EI24: variants seen among roughly 807,000 people sequenced by gnomAD.
EI24 encodes EI24 autophagy associated transmembrane protein.
In EI24, 21 loss-of-function variants were observed where a neutral mutation model predicts 48.6. The ratio of observed to expected loss-of-function variants is 0.43; its 90% CI spans 0.31 to 0.62. The LOEUF is 0.62. Among genes scored for constraint, EI24 ranks in the 20% least tolerant of loss-of-function variants. EI24 has a pLI of 0.10. For missense variants in EI24, 280 were observed against 410.5 expected (o/e 0.68, Z 2.75); for synonymous variants, 114 against 145.5 (o/e 0.78, Z 1.56).
intron 7 of EI24, among the ~76,000 whole-genome samples, chr11:125,579,645 C>T (rs1228645315): frequency 8.6e-5 from 13 of 151,988 alleles, no homozygotes; most frequent in Admixed American, 5.9e-4. Flanking sequence ...CCAGCCTGGG[C>T]GACAAGAGCA....
chr11:125,575,493 C>A (rs966606881), intron 3 of EI24, 85 bp downstream of exon 3: 2 of 1,367,130 alleles, frequency 1.5e-6, no homozygotes, highest in African/African-American at 2.9e-5. Context: ...CATTTTATTT[C>A]TTTTGTGCTT....
Position 125,579,144 on chromosome 11 carries a change from GACAGAGTATTATATTTAT to G in EI24, c.561+91_561+108del, listed in dbSNP as rs935167122. 4.3e-5 allele frequency: 60 copies of G among 1,407,334 alleles called. 1 individual carries two copies. Among genetic ancestry groups the G allele is most frequent in the Middle Eastern group, 3.6e-4 (2 of 5,600 alleles). The allele number at this position is 1,407,334 out of a possible 1,614,324, so 87.2% of individuals were successfully genotyped here. A position where few individuals can be genotyped will look rare whatever the true frequency, so the allele number is the denominator to read the frequency against. On this transcript the variant is annotated intron_variant, in intron 7 of 10. Coordinates refer to ENST00000278903, the MANE Select transcript of EI24 (RefSeq NM_004879.5). ...GTTTCACTAGAGAGAACTTCACAAA[GACAGAGTATTATATTTAT>G]ACAGAGTATTATATATATGCTGGTG...
chr11:125,573,479 C>T (rs908017699), intron 2 of EI24: 1 of 325,228 alleles, frequency 3.1e-6, no homozygotes, highest in African/African-American at 2.2e-5. Context: ...GGAGGTGGCT[C>T]ACAGCTGTAA....
chr11:125,575,088 G>A (rs986709823), intron 2 of EI24, among the ~76,000 whole-genome samples, 175 bp from the exon 3 acceptor site: 2 of 152,106 alleles, frequency 1.3e-5, no homozygotes, highest in African/African-American at 4.8e-5. Context: ...AAAGCCAGGT[G>A]TGGTGGTGCA....
intron 2 of EI24, among the ~76,000 whole-genome samples, chr11:125,573,884 G>T (rs1046945294): frequency 1.3e-5 from 2 of 151,734 alleles, no homozygotes; most frequent in African/African-American, 2.4e-5. Flanking sequence ...GTTTCACCAT[G>T]TTGGCCAGGC....
intron 7 of EI24, among the ~76,000 whole-genome samples, 181 bp from the exon 8 acceptor site, chr11:125,579,912 C>T (rs1014449884): frequency 6.6e-6 from 1 of 152,142 alleles, no homozygotes; most frequent in Admixed American, 6.6e-5. Flanking sequence ...GATCCTCCCG[C>T]CTCATCCTCC....
At position 125,581,224 on chromosome 11, in the gene EI24, C is replaced by T. The variant is rs774417703; in HGVS notation, c.687C>T (p.His229=). The change falls in exon 9 of 11, where the codon CAC becomes CAT. Residue 229 remains histidine (H), a synonymous_variant. Coordinates refer to ENST00000278903, the MANE Select transcript of EI24 (RefSeq NM_004879.5). ...TTCTTGTTTTAGGAATTGAAATGCA[C>T]CAGCGGTTGTCTAACATAGAAAGGA... ...YRWFNKGIEM[H]QRLSNIERNW... is the part of the protein sequence containing the mutation. The T allele has an allele frequency of 9.3e-6, 15 of 1,610,800 alleles. No homozygotes were observed. In the South Asian group the frequency reaches 1.5e-4, roughly 17 times the overall value.
chr11:125,574,749 T>C (rs966692032), intron 2 of EI24: 1 of 152,376 alleles, frequency 6.6e-6, no homozygotes, highest in South Asian at 2.1e-4. Context: ...TGTACTAAAA[T>C]TGGAACAATA....
chr11:125,577,506 C>T lies in EI24; in HGVS notation c.252C>T (p.Phe84=), dbSNP rs776368999. The change falls in exon 5 of 11, where the codon TTC becomes TTT. Residue 84 remains phenylalanine, a splice_region_variant and synonymous_variant. Transcript: ENST00000278903. ...CCAWNGGVFW[F]SLLLFYRVFI... The stretch of plus-strand genomic sequence containing the variant: ...GCCTTGTTGCTTCTTTTCTTTAGTT[C>T]AGTCTCCTCTTGTTTTATCGAGTAT... The T allele has an allele frequency of 2.5e-6, 4 of 1,611,516 alleles. No homozygotes were observed. Among genetic ancestry groups the T allele is most frequent in the Middle Eastern group, 1.7e-4 (1 of 6,040 alleles).
At chr11:125,577,651 TC>T in intron 5 of EI24, 81 bp downstream of exon 5, 1 of 1,192,984 alleles carries the variant, frequency 8.4e-7, no homozygotes, top group African/African-American at 1.5e-5. Flanking sequence ...ACTGAACATT[TC>T]CTGTGTACCA....
At chr11:125,578,386 T>G in intron 6 of EI24, 129 bp downstream of exon 6, 1 of 1,150,878 alleles carries the variant, frequency 8.7e-7, no homozygotes, top group Non-Finnish European at 1.2e-6. Flanking sequence ...CTTGGCCAGG[T>G]AGCCAGTAGC....
chr11:125,578,068 G>C (rs1485733200), intron 5 of EI24, 65 bp from the exon 6 acceptor site: 7 of 1,596,918 alleles, frequency 4.4e-6, no homozygotes, highest in Non-Finnish European at 6.0e-6. Flanking sequence ...CGAGATGGGG[G>C]TTCCGCATTT....
chr11:125,578,500 T>C (rs1199896966), intron 6 of EI24, among the ~76,000 whole-genome samples: 7 of 146,912 alleles, frequency 4.8e-5, no homozygotes, highest in Non-Finnish European at 7.5e-5. Flanking sequence ...TTTTTTTTTT[T>C]TTTTGAGACA....
At chr11:125,583,375 ATGTATC>A (rs1939093914) in intron 10 of EI24, 140 bp from the exon 11 acceptor site, 1 of 683,916 alleles carries the variant, frequency 1.5e-6, no homozygotes. Flanking sequence ...TGTTCCATCC[ATGTATC>A]TAATATCTGT....
chr11:125,573,340 TC>T (rs1349022367), intron 2 of EI24: 1 of 164,710 alleles, frequency 6.1e-6, no homozygotes, highest in Non-Finnish European at 1.4e-5. Context: ...TTAATGTATG[TC>T]TGAAGCCTAA....
intron 1 of EI24, 42 bp downstream of exon 1, chr11:125,569,615 G>A (rs1306584919): frequency 2.0e-5 from 7 of 357,718 alleles, no homozygotes; most frequent in Non-Finnish European, 3.0e-5. Flanking sequence ...GGGCCGCCGC[G>A]CCGCCCATTC....
At position 125,583,895 on chromosome 11, in the gene EI24, G is replaced by GT. The variant is rs1939118131; in HGVS notation, c.*213dup. ...CAGTGTGTGGATTTTTAACATCACC[G>GT]TGAGTCTGAAAGGACCACAGGTTTT... On this transcript the variant is annotated 3_prime_UTR_variant, in exon 11 of 11. Coordinates refer to ENST00000278903, the MANE Select transcript of EI24 (RefSeq NM_004879.5). 1 of 607,630 alleles carries GT rather than the reference G, an allele frequency of 1.6e-6. No individual in the cohort carries two copies. Among genetic ancestry groups the GT allele is most frequent in the African/African-American group, 1.9e-5 (1 of 53,834 alleles). 37.6% of individuals were successfully genotyped at this position (607,630 alleles called of 1,614,324 possible).
At chr11:125,577,790 C>T (rs1420283892) in intron 5 of EI24, 3 of 558,812 alleles carry the variant, frequency 5.4e-6, no homozygotes, top group Non-Finnish European at 9.3e-6. Context: ...TGAGGAAATG[C>T]AAGTTACCAA....
chr11:125,581,110 T>A (rs1199584612), intron 8 of EI24, 101 bp from the exon 9 acceptor site: 4 of 308,242 alleles, frequency 1.3e-5, no homozygotes, highest in Non-Finnish European at 2.2e-5. Flanking sequence ...ATAATAATAA[T>A]AAAATCTGTA....
Sources: gnomAD v4.1 joint callset for allele counts (sites outside exome capture counted in the v4.1 genomes callset) on GRCh38, gnomAD v4.1.1 for gene constraint, MANE v1.5 for transcripts, NCBI Gene and HGNC (gene_info 2026-07-23, HGNC 2026-07-21) for gene names.